The following RNF220 variants were observed in gnomAD, a reference collection of about 807,000 sequenced individuals.
The protein encoded by RNF220 is E3 ubiquitin-protein ligase RNF220.
In RNF220, 7 loss-of-function variants were observed where a neutral mutation model predicts 67.1. The ratio of observed to expected loss-of-function variants is 0.10; its 90% CI spans 0.06 to 0.20. The LOEUF (loss-of-function observed/expected upper bound fraction) is 0.20. Ranked by LOEUF, RNF220 falls within the 10% of genes least tolerant of loss-of-function variation. The pLI is 1.00. For missense variants in RNF220, 565 were observed against 740.3 expected (o/e 0.76, Z 2.75); for synonymous variants, 270 against 283.2 (o/e 0.95, Z 0.47).
chr1:44,407,627 G>A (rs1388207041), intron 1 of RNF220, among the ~76,000 whole-genome samples: 1 of 152,068 alleles, frequency 6.6e-6, no homozygotes, highest in Non-Finnish European at 1.5e-5. Context: ...GAGCGAGCGG[G>A]GACACACACC....
chr1:44,412,373 A>G lies in RNF220; in HGVS notation c.276A>G (p.Leu92=). The G allele has an allele frequency of 1.2e-6, 2 of 1,613,844 alleles. No individual in the cohort carries two copies. Among genetic ancestry groups the G allele is most frequent in the Non-Finnish European group, 1.7e-6 (2 of 1,179,940 alleles). Residue 92 remains leucine (L), a synonymous_variant, in exon 2 of 15, where the codon CTA becomes CTG. Transcript: ENST00000361799. This position sits in a 1 kb window ranked among gnomAD's most constrained non-coding sequence, Gnocchi z 5.3. ...TFANRDFPPS[L]LHLHPQFAPP... ...CCAATCGTGATTTCCCCCCTTCTCT[A>G]CTACACCTCCACCCTCAATTTGCTC...
chr1:44,582,084 G>C (rs992696943), intron 2 of RNF220, among the ~76,000 whole-genome samples: 3 of 152,206 alleles, frequency 2.0e-5, no homozygotes, highest in Non-Finnish European at 2.9e-5. Flanking sequence ...TGGTTTGTTT[G>C]ATGGGAGTCA....
chr1:44,444,706 G>C (rs767563171), intron 2 of RNF220, among the ~76,000 whole-genome samples: 8 of 152,204 alleles, frequency 5.3e-5, no homozygotes, highest in Non-Finnish European at 7.3e-5. Context: ...CTCCCAAAGT[G>C]CTGGGATTAC....
At chr1:44,585,467 T>C (rs1369810419) in intron 2 of RNF220, among the ~76,000 whole-genome samples, 2 of 152,216 alleles carry the variant, frequency 1.3e-5, no homozygotes, top group Non-Finnish European at 2.9e-5. Context: ...TCCCATTCAC[T>C]CCGTTAACCA....
intron 2 of RNF220, among the ~76,000 whole-genome samples, chr1:44,455,173 T>C (rs959711571): frequency 5.3e-5 from 8 of 152,248 alleles, no homozygotes; most frequent in Admixed American, 5.2e-4. Flanking sequence ...TTTTGCTCTT[T>C]CCTTTGCTTC....
intron 2 of RNF220, among the ~76,000 whole-genome samples, chr1:44,598,972 T>C (rs1666732095): frequency 6.6e-6 from 1 of 152,084 alleles, no homozygotes; most frequent in Admixed American, 6.6e-5. Context: ...CCATCTCTCT[T>C]TTTTTCCAGA....
chr1:44,524,823 C>T (rs1298692163), intron 2 of RNF220, among the ~76,000 whole-genome samples: 1 of 152,128 alleles, frequency 6.6e-6, no homozygotes, highest in Non-Finnish European at 1.5e-5. Context: ...AAATTATTAG[C>T]GCTGTAATGT....
At position 44,502,517 on chromosome 1, in the gene RNF220, T is replaced by G. The variant is rs545103462; in HGVS notation, c.625+89795T>G. Among the ~76,000 whole-genome samples, 3 of 152,332 alleles carry G rather than the reference T, an allele frequency of 2.0e-5. No homozygotes were observed. The East Asian group carries it at 5.8e-4, about 29-fold the overall frequency. ...CTTCCTGGAGCAAATATTCATGCACTAAATAATTTGCTCAGCATTCCTTGT... is the reference window on the plus strand; with the variant it reads ...CTTCCTGGAGCAAATATTCATGCACGAAATAATTTGCTCAGCATTCCTTGT... On this transcript the variant is annotated intron_variant, in intron 2 of 14. Coordinates refer to ENST00000361799, the MANE Select transcript of RNF220 (RefSeq NM_018150.4).
chr1:44,579,830 AC>A, intron 2 of RNF220, among the ~76,000 whole-genome samples: 1 of 152,038 alleles, frequency 6.6e-6, no homozygotes, highest in East Asian at 1.9e-4. Context: ...GGAGTTTGAG[AC>A]CAGCCTGGGC....
At chr1:44,632,642 G>A (rs1644196320) in intron 6 of RNF220, 2 of 578,498 alleles carry the variant, frequency 3.5e-6, no homozygotes, top group South Asian at 2.1e-5. Flanking sequence ...AATAAGTGCC[G>A]GAGAATGAGG....
At chr1:44,591,542 A>G (rs947501089) in intron 2 of RNF220, among the ~76,000 whole-genome samples, 1 of 152,218 alleles carries the variant, frequency 6.6e-6, no homozygotes, top group African/African-American at 2.4e-5. Flanking sequence ...TAAGGATCCA[A>G]CTGCCTTGTG....
chr1:44,474,958 A>G (rs1173571936), intron 2 of RNF220, among the ~76,000 whole-genome samples: 1 of 152,134 alleles, frequency 6.6e-6, no homozygotes, highest in East Asian at 1.9e-4. Flanking sequence ...GGACAACTGT[A>G]TTTTGTAAAC....
chr1:44,578,061 C>T (rs776522278), intron 2 of RNF220, among the ~76,000 whole-genome samples: 1 of 151,666 alleles, frequency 6.6e-6, no homozygotes, highest in African/African-American at 2.4e-5. Flanking sequence ...CCACCTCAGC[C>T]TCCCAAAGTG....
At position 44,522,921 on chromosome 1, in the gene RNF220, G is replaced by A. The variant is rs376475868; in HGVS notation, c.626-91244G>A. On this transcript the variant is annotated intron_variant, in intron 2 of 14. Transcript: ENST00000361799. ...AGCACTCACAAAGCCAAAACAAAGC[G>A]TGCTACCCACACTGGCCTTGGAGCT... Among the ~76,000 whole-genome samples the A allele has an allele frequency of 2.8e-4, 42 of 152,296 alleles. No individual in the cohort carries two copies. The East Asian group carries it at 2.9e-3, about 10-fold the overall frequency.
At chr1:44,532,284 A>G (rs1220343780) in intron 2 of RNF220, among the ~76,000 whole-genome samples, 1 of 152,134 alleles carries the variant, frequency 6.6e-6, no homozygotes, top group Non-Finnish European at 1.5e-5. Context: ...ACTCATACTG[A>G]CCTTATCAAC....
At chr1:44,570,639 G>C (rs934499148) in intron 2 of RNF220, among the ~76,000 whole-genome samples, 1 of 152,146 alleles carries the variant, frequency 6.6e-6, no homozygotes, top group Non-Finnish European at 1.5e-5. Context: ...GAATGGGAAG[G>C]CATCCAGACT....
In RNF220 at chr1:44,626,389, C is replaced by G; in HGVS notation, c.897C>G (p.Asp299Glu). The G allele has an allele frequency of 6.2e-7, 1 of 1,613,654 alleles. No individual in the cohort carries two copies. The highest frequency in any genetic ancestry group is 1.3e-5 in the African/African-American group (1 of 75,036). ...SSATDDLHHS[D>E]RYQTFLRVRA... is the part of the protein sequence containing the mutation. ...CCACCGATGACCTCCACCATTCAGA[C>G]AGATACCAGGTGAGGAGGGGTGGTG... Residue 299 changes from aspartate (D) to glutamate (E), a missense_variant, in exon 5 of 15, where the codon GAC becomes GAG. By Grantham distance (45) the Asp-to-Glu change is conservative. Coordinates refer to ENST00000361799, the MANE Select transcript of RNF220 (RefSeq NM_018150.4).
At chr1:44,585,205 T>C (rs997874575) in intron 2 of RNF220, among the ~76,000 whole-genome samples, 2 of 152,198 alleles carry the variant, frequency 1.3e-5, no homozygotes, top group African/African-American at 4.8e-5. Context: ...TTAACCCATC[T>C]ATCTCTCCAG....
chr1:44,615,231 C>A (rs1454865942), intron 3 of RNF220, among the ~76,000 whole-genome samples: 1 of 152,136 alleles, frequency 6.6e-6, no homozygotes, highest in Non-Finnish European at 1.5e-5. Context: ...ATGTTCCAGC[C>A]AACGAGATGG....
Sources: gnomAD v4.1 joint callset for allele counts (sites outside exome capture counted in the v4.1 genomes callset) on GRCh38, gnomAD v4.1.1 for gene constraint, Gnocchi (gnomAD v3.1) non-coding constraint, MANE v1.5 for transcripts, NCBI Gene and HGNC (gene_info 2026-07-23, HGNC 2026-07-21) for gene names.